IGBP1C: variants seen among roughly 807,000 people sequenced by gnomAD.
IGBP1C encodes the protein IGBP1 family member C.
At chr17:58,672,984 G>A in the IGBP1C span, among the ~76,000 whole-genome samples, 1 of 151,752 alleles carries the variant, frequency 6.6e-6, no homozygotes, top group Non-Finnish European at 1.5e-5. Flanking sequence ...TGCTAGCCTC[G>A]AACTCCCAAA....
At chr17:58,672,767 T>C in the IGBP1C span, among the ~76,000 whole-genome samples, 2 of 152,018 alleles carry the variant, frequency 1.3e-5, no homozygotes, top group Admixed American at 1.3e-4. Flanking sequence ...AGTCTCGCTC[T>C]GTCACCCGGG....
the IGBP1C span, among the ~76,000 whole-genome samples, chr17:58,664,472 C>G: frequency 3.9e-5 from 6 of 152,214 alleles, no homozygotes; most frequent in Admixed American, 3.3e-4. Context: ...TCATTACTTA[C>G]ATGTAGCACA....
At chr17:58,662,425 A>T in the IGBP1C span, among the ~76,000 whole-genome samples, 3 of 149,118 alleles carry the variant, frequency 2.0e-5, no homozygotes, top group African/African-American at 4.9e-5. Flanking sequence ...TCACACACAC[A>T]CACACACACA....
the IGBP1C span, among the ~76,000 whole-genome samples, chr17:58,676,432 C>CTACA: frequency 1.3e-5 from 2 of 150,508 alleles, no homozygotes; most frequent in Admixed American, 1.3e-4. Context: ...TGGTGGCAGG[C>CTACA]GTCTGTAATC....
the IGBP1C span, among the ~76,000 whole-genome samples, chr17:58,691,062 C>T: frequency 2.6e-5 from 4 of 151,918 alleles, no homozygotes; most frequent in Non-Finnish European, 5.9e-5. Flanking sequence ...GCCATGTTGT[C>T]GAGGCTGGTC....
chr17:58,678,557 G>A, the IGBP1C span, among the ~76,000 whole-genome samples: 3 of 152,078 alleles, frequency 2.0e-5, no homozygotes, highest in South Asian at 6.2e-4. Flanking sequence ...CCATCATTCT[G>A]AGCAAACTTT....
the IGBP1C span, chr17:58,660,853 C>G: frequency 4.5e-5 from 36 of 792,336 alleles, no homozygotes; most frequent in Admixed American, 5.1e-4. Flanking sequence ...GCGCCATGTT[C>G]CGAGTGAGAA....
chr17:58,669,732 TCA>T, the IGBP1C span, among the ~76,000 whole-genome samples: 1 of 35,892 alleles, frequency 2.8e-5, no homozygotes, highest in African/African-American at 1.2e-4. Flanking sequence ...AGACTCCGTC[TCA>T]AAAAAAAAAA....
the IGBP1C span, among the ~76,000 whole-genome samples, chr17:58,687,091 A>G: frequency 6.6e-6 from 1 of 151,972 alleles, no homozygotes; most frequent in African/African-American, 2.4e-5. Context: ...TGGAGGCTCT[A>G]TGATCAAACA....
chr17:58,680,742 A>C, the IGBP1C span, among the ~76,000 whole-genome samples: 18 of 152,054 alleles, frequency 1.2e-4, no homozygotes, highest in African/African-American at 4.1e-4. Flanking sequence ...TCTCAAAAAA[A>C]CCCCACAAAA....
At chr17:58,683,244 G>A in the IGBP1C span, among the ~76,000 whole-genome samples, 35 of 151,092 alleles carry the variant, frequency 2.3e-4, no homozygotes, top group Non-Finnish European at 3.4e-4. Context: ...ATGGTGGCAC[G>A]TGTCTGTAAT....
At chr17:58,691,036 G>T in the IGBP1C span, among the ~76,000 whole-genome samples, 2 of 151,910 alleles carry the variant, frequency 1.3e-5, no homozygotes, top group Non-Finnish European at 2.9e-5. Flanking sequence ...TGTACTTTTG[G>T]TACAGACAGT....
the IGBP1C span, among the ~76,000 whole-genome samples, chr17:58,669,695 C>T: frequency 2.9e-5 from 4 of 138,210 alleles, no homozygotes; most frequent in Non-Finnish European, 4.5e-5. Context: ...GATCACGCCA[C>T]TGCACTCTAG....
At chr17:58,669,639 C>G in the IGBP1C span, among the ~76,000 whole-genome samples, 2 of 146,012 alleles carry the variant, frequency 1.4e-5, no homozygotes, top group Non-Finnish European at 1.5e-5. Context: ...GAGGCTGAGG[C>G]AGGTGAATCA....
the IGBP1C span, chr17:58,666,608 C>G: frequency 6.6e-6 from 1 of 152,106 alleles, no homozygotes; most frequent in East Asian, 1.9e-4. Flanking sequence ...TTGGGGAAAT[C>G]GTAGGGATCA....
At chr17:58,679,251 G>A in the IGBP1C span, among the ~76,000 whole-genome samples, 9 of 152,256 alleles carry the variant, frequency 5.9e-5, no homozygotes, top group East Asian at 1.7e-3. Context: ...GCTTTGAAAA[G>A]GAAAGGGCTA....
chr17:58,668,084 C>G, the IGBP1C span, among the ~76,000 whole-genome samples: 1 of 152,078 alleles, frequency 6.6e-6, no homozygotes, highest in African/African-American at 2.4e-5. Flanking sequence ...GCACCACCCC[C>G]CAGGTGATAT....
chr17:58,676,260 C>T, the IGBP1C span, among the ~76,000 whole-genome samples: 4 of 152,066 alleles, frequency 2.6e-5, no homozygotes, highest in African/African-American at 9.7e-5. Flanking sequence ...CCTGTAATCC[C>T]AGCTACTCAG....
the IGBP1C span, among the ~76,000 whole-genome samples, chr17:58,666,250 A>C: frequency 6.6e-6 from 1 of 151,912 alleles, no homozygotes; most frequent in Non-Finnish European, 1.5e-5. Context: ...AGGGAAGCTG[A>C]GACACGAGAA....
Sources: allele counts gnomAD v4.1 joint callset (sites outside exome capture counted in the v4.1 genomes callset), GRCh38; gene constraint gnomAD v4.1.1; transcripts MANE v1.5; gene names NCBI Gene and HGNC (gene_info 2026-07-23, HGNC 2026-07-21).